Variants in FMNL2 observed in about 807,000 individuals in gnomAD.
FMNL2 encodes the protein formin like 2.
A neutral mutation model predicts 130.2 loss-of-function variants in FMNL2; 51 were observed. That is an observed-to-expected ratio of 0.39 (90% confidence interval 0.31 to 0.49). FMNL2 has a LOEUF of 0.49. Among genes scored for constraint, FMNL2 ranks in the 20% least tolerant of loss-of-function variants. The pLI is 0.85. For missense variants in FMNL2, 977 were observed against 1,316.2 expected (o/e 0.74, Z 3.99); for synonymous variants, 465 against 467.1 (o/e 1.00, Z 0.06).
intron 1 of FMNL2, among the ~76,000 whole-genome samples, chr2:152,429,215 C>CAAAA (rs3047928): frequency 1.7e-4 from 16 of 95,152 alleles, no homozygotes; most frequent in Non-Finnish European, 3.2e-4. Flanking sequence ...CTTAGAGGAA[C>CAAAA]AAAAAAAAAA....
intron 1 of FMNL2, among the ~76,000 whole-genome samples, chr2:152,436,043 GTT>G (rs34447078): frequency 1.4e-4 from 21 of 148,916 alleles, no homozygotes; most frequent in African/African-American, 4.7e-4. Flanking sequence ...GACGTGCTTA[GTT>G]TTTTTTTTTT....
At chr2:152,464,384 A>G (rs1444996726) in intron 1 of FMNL2, among the ~76,000 whole-genome samples, 3 of 152,198 alleles carry the variant, frequency 2.0e-5, no homozygotes, top group Non-Finnish European at 4.4e-5. Flanking sequence ...TTTTTCTAAA[A>G]GCTTAGTGCA....
At chr2:152,587,389 A>T (rs929967200) in intron 9 of FMNL2, among the ~76,000 whole-genome samples, 2 of 152,200 alleles carry the variant, frequency 1.3e-5, no homozygotes, top group African/African-American at 2.4e-5. Context: ...TGTAGTCTGT[A>T]TACCTCAGTA....
chr2:152,637,905 C>G (rs909965882), intron 23 of FMNL2, among the ~76,000 whole-genome samples: 5 of 152,232 alleles, frequency 3.3e-5, no homozygotes, highest in African/African-American at 1.2e-4. Context: ...TGGCAGCCCC[C>G]TTGGGGCAAG....
At chr2:152,519,333 G>A (rs569250043) in intron 1 of FMNL2, among the ~76,000 whole-genome samples, 1 of 152,056 alleles carries the variant, frequency 6.6e-6, no homozygotes, top group Non-Finnish European at 1.5e-5. Flanking sequence ...GATTCCCACC[G>A]TGCCACCCAG....
At chr2:152,387,057 A>G (rs2105913684) in intron 1 of FMNL2, among the ~76,000 whole-genome samples, 1 of 152,330 alleles carries the variant, frequency 6.6e-6, no homozygotes, top group East Asian at 1.9e-4. Flanking sequence ...ATATTTCATG[A>G]AAAAGTGTGG....
At position 152,625,581 on chromosome 2, in the gene FMNL2, A is replaced by T; in HGVS notation, c.1962+19A>T. ...TCTGGAGGTATTTTTCTCATTGGTT[A>T]GAAACTAGAGGTGCACTCTGTGCAG... On this transcript the variant is annotated intron_variant, in intron 16 of 25. Coordinates refer to ENST00000288670, the MANE Select transcript of FMNL2 (RefSeq NM_052905.4). The T allele has an allele frequency of 6.3e-7, 1 of 1,599,020 alleles. No individual in the cohort carries two copies. Among genetic ancestry groups the T allele is most frequent in the Non-Finnish European group, 8.6e-7 (1 of 1,167,720 alleles).
chr2:152,629,952 C>T (rs1370229885), intron 20 of FMNL2, 47 bp downstream of exon 20: 1 of 1,525,816 alleles, frequency 6.6e-7, no homozygotes. Flanking sequence ...GGACAGATGG[C>T]TGGCAGAGAT....
chr2:152,427,010 C>T (rs879600993), intron 1 of FMNL2, among the ~76,000 whole-genome samples: 3 of 152,152 alleles, frequency 2.0e-5, no homozygotes, highest in Admixed American at 6.5e-5. Flanking sequence ...CATGTAATAG[C>T]GAGTCAGTGT....
chr2:152,603,293 T>G (rs927753392), intron 9 of FMNL2, among the ~76,000 whole-genome samples: 1 of 152,186 alleles, frequency 6.6e-6, no homozygotes, highest in African/African-American at 2.4e-5. Context: ...CTCTGTTGCT[T>G]TCAAGGTTTC....
At chr2:152,479,211 A>G (rs1311851562) in intron 1 of FMNL2, among the ~76,000 whole-genome samples, 3 of 151,892 alleles carry the variant, frequency 2.0e-5, no homozygotes, top group African/African-American at 7.3e-5. Flanking sequence ...GCAGCCTCGA[A>G]CTCCTGGGCT....
intron 1 of FMNL2, among the ~76,000 whole-genome samples, chr2:152,356,851 T>C (rs200084059): frequency 8.8e-4 from 133 of 151,862 alleles, no homozygotes; most frequent in African/African-American, 3.0e-3. Flanking sequence ...ATGGAGAAGA[T>C]ATGTATATTG....
intron 1 of FMNL2, among the ~76,000 whole-genome samples, chr2:152,482,507 G>A (rs988817666): frequency 4.6e-5 from 7 of 152,104 alleles, no homozygotes; most frequent in Non-Finnish European, 1.0e-4. Context: ...GGAAGTTTAC[G>A]ATCAGTTTCT....
At chr2:152,465,085 A>C (rs1689452746) in intron 1 of FMNL2, among the ~76,000 whole-genome samples, 1 of 152,244 alleles carries the variant, frequency 6.6e-6, no homozygotes, top group Non-Finnish European at 1.5e-5. Flanking sequence ...CAGCATCAAC[A>C]AGAAACAAGT....
At chr2:152,601,437 A>C (rs1698052115) in intron 9 of FMNL2, among the ~76,000 whole-genome samples, 1 of 150,870 alleles carries the variant, frequency 6.6e-6, no homozygotes. Context: ...AATAGCTGGG[A>C]TTACAGGCGC....
chr2:152,509,736 C>CTTTTTTTT (rs1692386090), intron 1 of FMNL2, among the ~76,000 whole-genome samples: 1 of 22,134 alleles, frequency 4.5e-5, no homozygotes, highest in Non-Finnish European at 1.2e-4. Context: ...GTACTCTGGA[C>CTTTTTTTT]CTTTTTTTTT....
At chr2:152,435,632 TAA>T (rs1181439273) in intron 1 of FMNL2, among the ~76,000 whole-genome samples, 9 of 151,606 alleles carry the variant, frequency 5.9e-5, no homozygotes, top group Non-Finnish European at 1.2e-4. Context: ...GTAAAAGTGG[TAA>T]AAAGAGATGA....
chr2:152,595,966 T>C (rs940582220), intron 9 of FMNL2, among the ~76,000 whole-genome samples: 1 of 150,304 alleles, frequency 6.7e-6, no homozygotes, highest in African/African-American at 2.4e-5. Context: ...GGAAGTCTTT[T>C]TTTTTTTTTT....
intron 1 of FMNL2, among the ~76,000 whole-genome samples, chr2:152,377,749 A>G (rs1226826475): frequency 6.6e-6 from 1 of 152,232 alleles, no homozygotes; most frequent in Non-Finnish European, 1.5e-5. Context: ...CTGGCATCCC[A>G]TTACTTGGGA....
Sources: allele counts gnomAD v4.1 joint callset (sites outside exome capture counted in the v4.1 genomes callset), GRCh38; gene constraint gnomAD v4.1.1; transcripts MANE v1.5; gene names NCBI Gene and HGNC (gene_info 2026-07-23, HGNC 2026-07-21).